TMEFF1: variants seen among roughly 807,000 people sequenced by gnomAD.
TMEFF1 encodes the protein transmembrane protein with EGF like and two follistatin like domains 1.
Under a neutral mutation model 47.5 loss-of-function variants are expected in TMEFF1, and 20 were observed. The ratio of observed to expected loss-of-function variants is 0.42; its 90% CI spans 0.30 to 0.61. The LOEUF (loss-of-function observed/expected upper bound fraction) is 0.61. Ranked by LOEUF, TMEFF1 falls within the 20% of genes least tolerant of loss-of-function variation. The pLI is 0.19. For missense variants in TMEFF1, 411 were observed against 471.1 expected (o/e 0.87, Z 1.18); for synonymous variants, 162 against 166.3 (o/e 0.97, Z 0.20).
At chr9:100,576,114 A>G (rs188031199) in intron 9 of TMEFF1, among the ~76,000 whole-genome samples, 14 of 152,282 alleles carry the variant, frequency 9.2e-5, no homozygotes, top group Admixed American at 5.9e-4. Flanking sequence ...CTGTCTTCTC[A>G]TAATGCACAG....
At chr9:100,532,442 T>C (rs904686330) in intron 5 of TMEFF1, among the ~76,000 whole-genome samples, 8 of 151,842 alleles carry the variant, frequency 5.3e-5, no homozygotes, top group African/African-American at 1.9e-4. Context: ...TGAACAGACA[T>C]TTCTCAAAAG....
chr9:100,551,839 A>G (rs1035410993), intron 7 of TMEFF1, among the ~76,000 whole-genome samples: 11 of 152,224 alleles, frequency 7.2e-5, no homozygotes, highest in Non-Finnish European at 1.0e-4. Flanking sequence ...TATTGCTATA[A>G]GTGTATACAG....
At chr9:100,493,044 A>G (rs1837584447) in intron 1 of TMEFF1, among the ~76,000 whole-genome samples, 1 of 152,088 alleles carries the variant, frequency 6.6e-6, no homozygotes, top group African/African-American at 2.4e-5. Flanking sequence ...CCTTTACTGT[A>G]GTTTTCAACT....
intron 2 of TMEFF1, among the ~76,000 whole-genome samples, chr9:100,504,416 A>T (rs1304359164): frequency 3.3e-5 from 5 of 152,204 alleles, no homozygotes; most frequent in Admixed American, 2.6e-4. Context: ...CAAGTGACAG[A>T]TGGCAATACA....
intron 8 of TMEFF1, among the ~76,000 whole-genome samples, chr9:100,562,658 TGTTTTG>T (rs1839040719): frequency 6.6e-6 from 1 of 151,828 alleles, no homozygotes; most frequent in Non-Finnish European, 1.5e-5. Context: ...TGTTTTGTTT[TGTTTTG>T]TTTTGTTTTG....
At chr9:100,572,425 A>C (rs1839259772) in intron 8 of TMEFF1, 93 bp from the exon 9 acceptor site, 1 of 1,352,172 alleles carries the variant, frequency 7.4e-7, no homozygotes, top group Non-Finnish European at 9.6e-7. Flanking sequence ...TTCCTGTTTA[A>C]ATTTTATTAC....
chr9:100,558,765 G>C (rs983853814), intron 7 of TMEFF1, among the ~76,000 whole-genome samples: 22 of 151,856 alleles, frequency 1.4e-4, no homozygotes, highest in Non-Finnish European at 1.5e-5. Context: ...ACAAACATTT[G>C]TTGAGCACGG....
At chr9:100,563,763 A>G (rs1204619609) in intron 8 of TMEFF1, among the ~76,000 whole-genome samples, 2 of 152,212 alleles carry the variant, frequency 1.3e-5, no homozygotes, top group Admixed American at 1.3e-4. Context: ...TGTGCCTAGT[A>G]TAGGACCTAG....
chr9:100,514,314 TAAA>T (rs372558259), intron 4 of TMEFF1, among the ~76,000 whole-genome samples: 2 of 139,526 alleles, frequency 1.4e-5, no homozygotes, highest in African/African-American at 5.3e-5. Flanking sequence ...CAGTTTCAGC[TAAA>T]AAAAAAAAAA....
At chr9:100,521,415 C>T (rs1838158059) in intron 5 of TMEFF1, among the ~76,000 whole-genome samples, 1 of 152,144 alleles carries the variant, frequency 6.6e-6, no homozygotes, top group Admixed American at 6.5e-5. Flanking sequence ...TGACTCCCCA[C>T]ATAAGTGGGT....
chr9:100,517,480 G>A (rs919333046), intron 5 of TMEFF1, among the ~76,000 whole-genome samples: 1 of 151,994 alleles, frequency 6.6e-6, no homozygotes, highest in Admixed American at 6.6e-5. Flanking sequence ...CTGCATATTC[G>A]AGCCTTTCAC....
intron 1 of TMEFF1, among the ~76,000 whole-genome samples, chr9:100,482,331 G>C (rs1837358864): frequency 6.6e-6 from 1 of 151,928 alleles, no homozygotes; most frequent in Non-Finnish European, 1.5e-5. Flanking sequence ...CAGAGTAGCT[G>C]GGATTACAGG....
chr9:100,506,931 C>T (rs1837874515), intron 2 of TMEFF1, among the ~76,000 whole-genome samples: 1 of 152,014 alleles, frequency 6.6e-6, no homozygotes, highest in Admixed American at 6.6e-5. Context: ...TCAAGGGCTA[C>T]ATGTGTAGGT....
At chr9:100,515,310 A>T (rs1838046101) in intron 4 of TMEFF1, among the ~76,000 whole-genome samples, 1 of 151,964 alleles carries the variant, frequency 6.6e-6, no homozygotes, top group Admixed American at 6.6e-5. Context: ...GAATATTATG[A>T]TGTTTTGGGG....
intron 5 of TMEFF1, among the ~76,000 whole-genome samples, chr9:100,531,468 G>A (rs1838375631): frequency 6.6e-6 from 1 of 152,140 alleles, no homozygotes; most frequent in South Asian, 2.1e-4. Flanking sequence ...GCCAAATCAT[G>A]AGTGAGCTCC....
chr9:100,488,110 T>C (rs1237615825), intron 1 of TMEFF1, among the ~76,000 whole-genome samples: 1 of 152,190 alleles, frequency 6.6e-6, no homozygotes, highest in Non-Finnish European at 1.5e-5. Context: ...TAATTATTGA[T>C]TTAAAAAACA....
intron 2 of TMEFF1, among the ~76,000 whole-genome samples, chr9:100,507,437 C>T (rs1380386299): frequency 6.6e-6 from 1 of 152,214 alleles, no homozygotes; most frequent in Admixed American, 6.5e-5. Context: ...AATCTCCAAA[C>T]TGCTCTCCAC....
chr9:100,521,354 AC>A (rs1052077135), intron 5 of TMEFF1, among the ~76,000 whole-genome samples: 1 of 152,132 alleles, frequency 6.6e-6, no homozygotes, highest in Non-Finnish European at 1.5e-5. Context: ...GTTAATGCTT[AC>A]CTTTCAAATT....
chr9:100,577,581 A>C lies in TMEFF1; in HGVS notation c.*981A>C, dbSNP rs1251966806. ...GAATTTAAAGAATATGTTAAAAATTATTAATTTTAATATTTTGTTTGGAAA... is the reference window on the plus strand; with the variant it reads ...GAATTTAAAGAATATGTTAAAAATTCTTAATTTTAATATTTTGTTTGGAAA... On this transcript the variant is annotated 3_prime_UTR_variant, in exon 10 of 10. Transcript: ENST00000374879. The C allele has an allele frequency of 6.6e-6, 1 of 152,240 alleles. No homozygotes were observed. Among genetic ancestry groups the C allele is most frequent in the Non-Finnish European group, 1.5e-5 (1 of 68,054 alleles). 9.4% of individuals were successfully genotyped at this position (152,240 alleles called of 1,614,324 possible). A position where few individuals can be genotyped will look rare whatever the true frequency, so the allele number is the denominator to read the frequency against.
Sources: gnomAD v4.1 joint callset for allele counts (sites outside exome capture counted in the v4.1 genomes callset) on GRCh38, gnomAD v4.1.1 for gene constraint, MANE v1.5 for transcripts, NCBI Gene and HGNC (gene_info 2026-07-23, HGNC 2026-07-21) for gene names.